The following RNF220 variants were observed in gnomAD, a reference collection of about 807,000 sequenced individuals.
RNF220 encodes ring finger protein 220.
A neutral mutation model predicts 67.1 loss-of-function variants in RNF220; 7 were observed. The ratio of observed to expected loss-of-function variants is 0.10; its 90% CI spans 0.06 to 0.20. RNF220 has a LOEUF of 0.20. RNF220 is among the 10% of genes least tolerant of loss of function. The pLI, the probability that RNF220 is intolerant of heterozygous loss-of-function variation, is 1.00. For missense variants in RNF220, 565 were observed against 740.3 expected (o/e 0.76, Z 2.75); for synonymous variants, 270 against 283.2 (o/e 0.95, Z 0.47).
At chr1:44,444,597 C>T (rs1169049383) in intron 2 of RNF220, among the ~76,000 whole-genome samples, 4 of 150,222 alleles carry the variant, frequency 2.7e-5, no homozygotes, top group Admixed American at 6.7e-5. Flanking sequence ...CGCACCACCA[C>T]GCCAAGCTAA....
chr1:44,534,364 C>T (rs1005874874), intron 2 of RNF220, among the ~76,000 whole-genome samples: 8 of 151,484 alleles, frequency 5.3e-5, no homozygotes, highest in Admixed American at 2.0e-4. Context: ...AGGGTACATG[C>T]GCACAGTGTG....
intron 1 of RNF220, among the ~76,000 whole-genome samples, chr1:44,411,147 G>A (rs763218857): frequency 6.6e-6 from 1 of 152,164 alleles, no homozygotes; most frequent in East Asian, 1.9e-4. Context: ...TAAAATCACC[G>A]ATCTGTTCTT....
chr1:44,610,328 G>A (rs930051347), intron 2 of RNF220, among the ~76,000 whole-genome samples: 3 of 152,198 alleles, frequency 2.0e-5, no homozygotes, highest in Non-Finnish European at 4.4e-5. Flanking sequence ...TAGCAGGAAC[G>A]GCAAGCGCCC....
Position 44,452,902 on chromosome 1 carries a change from A to G in RNF220, c.625+40180A>G, listed in dbSNP as rs556777307. ...ATCTGTCAGTTCCATAAAATATCTT[A>G]TAAGTATTTTGATCAGAAACTCATT... is the stretch of plus-strand genomic sequence containing the variant. On this transcript the variant is annotated intron_variant, in intron 2 of 14. Coordinates refer to ENST00000361799, the MANE Select transcript of RNF220 (RefSeq NM_018150.4). Among the ~76,000 whole-genome samples, 4 of 152,324 alleles carry G rather than the reference A, an allele frequency of 2.6e-5. No individual in the cohort carries two copies. In the South Asian group the frequency reaches 6.2e-4, roughly 24 times the overall value.
chr1:44,520,128 T>TGTGTGTGA (rs796131470), intron 2 of RNF220, among the ~76,000 whole-genome samples: 14,349 of 112,898 alleles, frequency 0.13, 1,100 homozygotes, highest in East Asian at 0.28. Flanking sequence ...TGTGTGTGTG[T>TGTGTGTGA]GAGAGAGAGA....
chr1:44,474,941 T>TA (rs1449023255), intron 2 of RNF220, among the ~76,000 whole-genome samples: 1 of 152,146 alleles, frequency 6.6e-6, no homozygotes, highest in Non-Finnish European at 1.5e-5. Context: ...CCGCCATGGA[T>TA]ACGAAGGGAC....
At chr1:44,633,621 G>A (rs922863818) in intron 6 of RNF220, among the ~76,000 whole-genome samples, 8 of 152,214 alleles carry the variant, frequency 5.3e-5, no homozygotes, top group Non-Finnish European at 8.8e-5. Flanking sequence ...TGTGTGTCCT[G>A]AGCAAGGAGC....
intron 2 of RNF220, among the ~76,000 whole-genome samples, chr1:44,599,271 G>A (rs1318794743): frequency 6.6e-6 from 1 of 152,206 alleles, no homozygotes; most frequent in Admixed American, 6.5e-5. Context: ...ATTATATGAT[G>A]TATGCAATAA....
intron 2 of RNF220, among the ~76,000 whole-genome samples, chr1:44,431,234 GCCTGTAAT>G (rs1365583258): frequency 6.6e-6 from 1 of 152,158 alleles, no homozygotes; most frequent in African/African-American, 2.4e-5. Context: ...GGTGGCTCAT[GCCTGTAAT>G]CCCAGCAGTT....
At chr1:44,532,779 C>T (rs111590956) in intron 2 of RNF220, among the ~76,000 whole-genome samples, 9 of 152,312 alleles carry the variant, frequency 5.9e-5, no homozygotes, top group African/African-American at 1.9e-4. Flanking sequence ...TTATGAAAAA[C>T]ACCAGTCATC....
chr1:44,489,886 A>T (rs12076189), intron 2 of RNF220, among the ~76,000 whole-genome samples: 4,037 of 152,290 alleles, frequency 0.027, 167 homozygotes, highest in African/African-American at 0.092. Flanking sequence ...TCTTTACTCA[A>T]GCTGTTTCTA....
chr1:44,439,510 TTTG>T lies in RNF220; in HGVS notation c.625+26800_625+26802del, dbSNP rs922378702. ...TTGGTACTTTAGGGTGGTGGAGCTTTTTGTTGTTGTTGTTATTTGTTTTTATTT... is the reference window on the plus strand; with the variant it reads ...TTGGTACTTTAGGGTGGTGGAGCTTTTTGTTGTTGTTATTTGTTTTTATTT... On this transcript the variant is annotated intron_variant, in intron 2 of 14. Coordinates refer to ENST00000361799, the MANE Select transcript of RNF220 (RefSeq NM_018150.4). Among the ~76,000 whole-genome samples the T allele has an allele frequency of 1.1e-3, 173 of 152,132 alleles. 1 individual carries two copies. Among genetic ancestry groups the T allele is most frequent in the African/African-American group, 3.6e-3 (151 of 41,558 alleles).
chr1:44,528,298 T>G (rs997948633), intron 2 of RNF220, among the ~76,000 whole-genome samples: 15 of 151,768 alleles, frequency 9.9e-5, no homozygotes, highest in African/African-American at 3.4e-4. Flanking sequence ...CGATACAAAT[T>G]GGCAACTTTT....
rs1663896121 is a variant in RNF220, at chr1:44,565,104, C to T, written c.626-49061C>T. 6.6e-6 allele frequency among the ~76,000 whole-genome samples: 1 copy of T among 152,234 alleles called. No homozygotes were observed. Among genetic ancestry groups the T allele is most frequent in the South Asian group, 2.1e-4 (1 of 4,838 alleles). On this transcript the variant is annotated intron_variant, in intron 2 of 14. Transcript: ENST00000361799. The surrounding 1 kb of genome is among the most constrained non-coding windows in gnomAD (Gnocchi z 4.2). The stretch of plus-strand genomic sequence containing the variant: ...AGCATGGGCCTGGCCTTAGGACATG[C>T]TTGGTCAGCACTCCGTGAATAAATG...
chr1:44,489,634 A>G (rs1335398386), intron 2 of RNF220, among the ~76,000 whole-genome samples: 2 of 152,262 alleles, frequency 1.3e-5, no homozygotes, highest in Non-Finnish European at 2.9e-5. Context: ...ACGAAAAAGC[A>G]AAAGTCTTTT....
At chr1:44,635,963 G>T in intron 7 of RNF220, 67 bp from the exon 8 acceptor site, 1 of 1,610,384 alleles carries the variant, frequency 6.2e-7, no homozygotes, top group Non-Finnish European at 8.5e-7. Context: ...CTGTGCCTTC[G>T]TTGCAGACTG....
chr1:44,566,018 G>A (rs558328199), intron 2 of RNF220, among the ~76,000 whole-genome samples: 2 of 152,310 alleles, frequency 1.3e-5, no homozygotes, highest in South Asian at 4.1e-4. Flanking sequence ...GGCACACGCT[G>A]CCCATAAATC....
chr1:44,640,542 G>A (rs1018253818), intron 8 of RNF220, among the ~76,000 whole-genome samples: 2 of 152,244 alleles, frequency 1.3e-5, no homozygotes, highest in African/African-American at 4.8e-5. Context: ...AGTATCAATG[G>A]TTTTAAACGG....
intron 2 of RNF220, among the ~76,000 whole-genome samples, chr1:44,550,904 C>T (rs1662574533): frequency 6.6e-6 from 1 of 152,130 alleles, no homozygotes; most frequent in Non-Finnish European, 1.5e-5. Flanking sequence ...GTCTGGTCTC[C>T]TAGTGTCACA....
Sources: gnomAD v4.1 joint callset for allele counts (sites outside exome capture counted in the v4.1 genomes callset) on GRCh38, gnomAD v4.1.1 for gene constraint, Gnocchi (gnomAD v3.1) non-coding constraint, MANE v1.5 for transcripts, NCBI Gene and HGNC (gene_info 2026-07-23, HGNC 2026-07-21) for gene names.